Variants in SGMS1 observed in about 807,000 individuals in gnomAD.
SGMS1 encodes the protein phosphatidylcholine:ceramide cholinephosphotransferase 1.
SGMS1 carries 13 observed loss-of-function variants against 46.2 expected under a neutral mutation model. The ratio of observed to expected loss-of-function variants is 0.28; its 90% CI spans 0.18 to 0.45. The LOEUF (loss-of-function observed/expected upper bound fraction) is 0.45. Among genes scored for constraint, SGMS1 ranks in the 20% least tolerant of loss-of-function variants. The pLI is 1.00. For missense variants in SGMS1, 324 were observed against 519.9 expected, an observed-to-expected ratio of 0.62 and a Z score of 3.66; for synonymous variants, 203 against 187.8, an observed-to-expected ratio of 1.08 and a Z score of -0.66.
intron 2 of SGMS1, among the ~76,000 whole-genome samples, chr10:50,561,964 G>A (rs1177331279): frequency 1.3e-5 from 2 of 152,118 alleles, no homozygotes; most frequent in Non-Finnish European, 2.9e-5. Context: ...AGCCACCAGA[G>A]AGCATATCTT....
At chr10:50,511,192 G>C (rs1399842497) in intron 3 of SGMS1, among the ~76,000 whole-genome samples, 1 of 150,974 alleles carries the variant, frequency 6.6e-6, no homozygotes, top group African/African-American at 2.4e-5. Flanking sequence ...CAAGAGAACA[G>C]TACTTCCTGC....
At chr10:50,358,238 C>G (rs1398499346) in intron 6 of SGMS1, among the ~76,000 whole-genome samples, 1 of 152,170 alleles carries the variant, frequency 6.6e-6, no homozygotes, top group Non-Finnish European at 1.5e-5. Context: ...AGATCAAAAT[C>G]TTGCGGACAT....
At chr10:50,421,446 C>T (rs142264385) in intron 6 of SGMS1, among the ~76,000 whole-genome samples, 302 of 152,290 alleles carry the variant, frequency 2.0e-3, no homozygotes, top group Non-Finnish European at 3.3e-3. Context: ...GAATGGCTCC[C>T]ACTGGTGGCA....
At chr10:50,411,224 AT>A (rs970364878) in intron 6 of SGMS1, among the ~76,000 whole-genome samples, 9 of 152,322 alleles carry the variant, frequency 5.9e-5, no homozygotes, top group Admixed American at 2.0e-4. Flanking sequence ...TATTTAAAGA[AT>A]TCATTGAATG....
chr10:50,489,607 T>A (rs1837550954), intron 3 of SGMS1, among the ~76,000 whole-genome samples: 1 of 152,256 alleles, frequency 6.6e-6, no homozygotes, highest in Admixed American at 6.5e-5. Context: ...TGCAGTTCCA[T>A]GGTGTGCTGT....
intron 6 of SGMS1, among the ~76,000 whole-genome samples, chr10:50,354,161 G>T (rs1848087624): frequency 6.7e-6 from 1 of 149,416 alleles, no homozygotes; most frequent in Non-Finnish European, 1.5e-5. Context: ...GAACAAAGCT[G>T]GAGGCATCAC....
chr10:50,554,705 T>A (rs1838176326), intron 2 of SGMS1, among the ~76,000 whole-genome samples: 1 of 152,158 alleles, frequency 6.6e-6, no homozygotes. Context: ...ATTATAAAAG[T>A]CATATGGGTG....
intron 6 of SGMS1, among the ~76,000 whole-genome samples, chr10:50,397,487 C>T (rs1490494609): frequency 1.3e-5 from 2 of 152,178 alleles, no homozygotes; most frequent in East Asian, 1.9e-4. Context: ...TTAGCAACAT[C>T]CTGGCTACAC....
At chr10:50,399,646 T>G (rs563715149) in intron 6 of SGMS1, among the ~76,000 whole-genome samples, 9 of 152,304 alleles carry the variant, frequency 5.9e-5, no homozygotes, top group African/African-American at 2.2e-4. Context: ...TAACTGCATC[T>G]ATATTTGGGA....
At chr10:50,398,327 A>G (rs971390186) in intron 6 of SGMS1, among the ~76,000 whole-genome samples, 1 of 152,166 alleles carries the variant, frequency 6.6e-6, no homozygotes, top group African/African-American at 2.4e-5. Flanking sequence ...ATATGATCAT[A>G]TCATCAGATT....
intron 6 of SGMS1, among the ~76,000 whole-genome samples, chr10:50,394,168 A>G (rs1314755772): frequency 1.3e-5 from 2 of 152,132 alleles, no homozygotes; most frequent in Non-Finnish European, 2.9e-5. Context: ...AGATAATGTG[A>G]CTCTTGTGAT....
intron 6 of SGMS1, among the ~76,000 whole-genome samples, chr10:50,396,347 C>A (rs1472473152): frequency 6.6e-6 from 1 of 152,082 alleles, no homozygotes; most frequent in African/African-American, 2.4e-5. Flanking sequence ...AAAAGTCAAC[C>A]CACACAGTAA....
chr10:50,493,501 C>A (rs773284035), intron 3 of SGMS1, among the ~76,000 whole-genome samples: 2 of 152,102 alleles, frequency 1.3e-5, no homozygotes, highest in South Asian at 2.1e-4. Flanking sequence ...AGAGCTTCTA[C>A]ATAGCAAAAG....
chr10:50,524,342 C>T (rs1837881291), intron 2 of SGMS1, among the ~76,000 whole-genome samples: 1 of 152,176 alleles, frequency 6.6e-6, no homozygotes, highest in Admixed American at 6.5e-5. Context: ...CTTGATAAAA[C>T]AAGACCTCCA....
chr10:50,313,521 AG>A (rs1376538253), intron 8 of SGMS1, among the ~76,000 whole-genome samples: 1 of 152,216 alleles, frequency 6.6e-6, no homozygotes. Flanking sequence ...GAACCATTTT[AG>A]TTTTCAAATT....
At chr10:50,526,193 G>T (rs1200331379) in intron 2 of SGMS1, among the ~76,000 whole-genome samples, 1 of 152,158 alleles carries the variant, frequency 6.6e-6, no homozygotes, top group Non-Finnish European at 1.5e-5. Context: ...TTAACAGGAA[G>T]CATGACTGGA....
upstream of SGMS1, chr10:50,624,910 C>T (rs562364934): frequency 2.3e-5 from 23 of 1,006,926 alleles, no homozygotes; most frequent in East Asian, 8.9e-4. Flanking sequence ...CGGCTACGGG[C>T]CCGGCGTACC....
intron 2 of SGMS1, among the ~76,000 whole-genome samples, chr10:50,563,599 C>T (rs1838261094): frequency 1.3e-5 from 2 of 150,722 alleles, no homozygotes; most frequent in Non-Finnish European, 3.0e-5. Context: ...AAAAATTAGC[C>T]GGGCGTAGTG....
chr10:50,355,026 CAGTGTG>C (rs1350751440), intron 6 of SGMS1, among the ~76,000 whole-genome samples: 2 of 152,184 alleles, frequency 1.3e-5, no homozygotes, highest in Non-Finnish European at 2.9e-5. Context: ...TTGTGGAAGT[CAGTGTG>C]ATGATTCCTC....
Sources: gnomAD v4.1 joint callset for allele counts (sites outside exome capture counted in the v4.1 genomes callset) on GRCh38, gnomAD v4.1.1 for gene constraint, MANE v1.5 for transcripts, NCBI Gene and HGNC (gene_info 2026-07-23, HGNC 2026-07-21) for gene names.